The following MGST1 variants were observed in gnomAD, a reference collection of about 807,000 sequenced individuals.
The protein encoded by MGST1 is microsomal glutathione S-transferase 1.
Under a neutral mutation model 8.9 loss-of-function variants are expected in MGST1, and 5 were observed. The ratio of observed to expected loss-of-function variants is 0.56; its 90% CI spans 0.29 to 1.19. The LOEUF is 1.19. Ranked by LOEUF, MGST1 falls within the 50% of genes most tolerant of loss-of-function variation. The pLI is 0.08. For synonymous variants in MGST1, 54 were observed against 67.8 expected, an observed-to-expected ratio of 0.80 and a Z score of 1.00; for missense variants, 182 against 187.4, an observed-to-expected ratio of 0.97 and a Z score of 0.17.
chr12:16,389,613 G>C lies in MGST1; in HGVS notation n.778+6009G>C, dbSNP rs184727902. Among the ~76,000 whole-genome samples the C allele has an allele frequency of 8.5e-5, 13 of 152,314 alleles. No individual in the cohort carries two copies. The highest frequency in any genetic ancestry group is 2.4e-4 in the African/African-American group (10 of 41,564). On this transcript the variant is annotated intron_variant and non_coding_transcript_variant, in intron 1 of 1. Coordinates refer to the MGST1 transcript ENST00000359720. The surrounding 1 kb of genome is among the most constrained non-coding windows in gnomAD (Gnocchi z 4.6). Reference sequence around the variant, plus strand: ...CTTGGTCTGGTAGGTGCAGCAATATGACATGAGTACCTCATAGGAGGGACT... The same window carrying C: ...CTTGGTCTGGTAGGTGCAGCAATATCACATGAGTACCTCATAGGAGGGACT...
chr12:16,465,860 T>C (rs2137129521), intron 4 of MGST1, among the ~76,000 whole-genome samples: 1 of 152,232 alleles, frequency 6.6e-6, no homozygotes, highest in East Asian at 1.9e-4. Flanking sequence ...ATTTAAATGG[T>C]TGGAGATATT....
downstream of MGST1, among the ~76,000 whole-genome samples, chr12:16,443,102 C>T (rs1339970365): frequency 2.0e-5 from 3 of 151,708 alleles, no homozygotes; most frequent in Non-Finnish European, 4.4e-5. Flanking sequence ...CCTTTTATCT[C>T]TATGACATGT....
chr12:16,396,133 G>A (rs955298636), intron 1 of MGST1, among the ~76,000 whole-genome samples: 9 of 151,496 alleles, frequency 5.9e-5, no homozygotes, highest in African/African-American at 9.7e-5. Flanking sequence ...TTTTATTATG[G>A]CCATTCTTGC....
At chr12:16,411,947 A>T (rs1314239979) in intron 1 of MGST1, among the ~76,000 whole-genome samples, 1 of 152,166 alleles carries the variant, frequency 6.6e-6, no homozygotes, top group East Asian at 1.9e-4. Context: ...ATTAATAATA[A>T]TACCAACCTC....
At chr12:16,590,177 G>T (rs1357197193), downstream of MGST1, among the ~76,000 whole-genome samples, 2 of 152,008 alleles carry the variant, frequency 1.3e-5, no homozygotes, top group Non-Finnish European at 2.9e-5. Flanking sequence ...GTTATAAATA[G>T]AAATTAATAT....
chr12:16,560,298 GAAA>G lies in MGST1; in HGVS notation n.483-29227_483-29225del. On this transcript the variant is annotated intron_variant and non_coding_transcript_variant, in intron 4 of 4. Transcript: ENST00000538857. The surrounding 1 kb of genome is among the most constrained non-coding windows in gnomAD (Gnocchi z 5.0). ...GCATGGGATTAAAGTTTACAGAACA[GAAA>G]AACGCTGAGATTGATTGCTTTAAAT... is the stretch of plus-strand genomic sequence containing the variant. 3 of 1,213,080 alleles carry G rather than the reference GAAA, an allele frequency of 2.5e-6. No individual in the cohort carries two copies. The highest frequency in any genetic ancestry group is 3.4e-6 in the Non-Finnish European group (3 of 882,282). The allele number at this position is 1,213,080 out of a possible 1,614,324, so 75.1% of individuals were successfully genotyped here. A position where few individuals can be genotyped will look rare whatever the true frequency, so the allele number is the denominator to read the frequency against.
intron 1 of MGST1, among the ~76,000 whole-genome samples, chr12:16,415,994 A>G (rs559225851): frequency 1.3e-5 from 2 of 152,326 alleles, no homozygotes; most frequent in South Asian, 4.1e-4. Context: ...AGATTTTGCA[A>G]AAAGAGTAAT....
rs1942354139 is a variant in MGST1 at position 16,560,318 on chromosome 12, G to A, written n.483-29210G>A. The A allele has an allele frequency of 7.5e-7, 1 of 1,335,292 alleles. No homozygotes were observed. The highest frequency in any genetic ancestry group is 2.2e-5 in the Admixed American group (1 of 44,930). 82.7% of individuals were successfully genotyped at this position (1,335,292 alleles called of 1,614,324 possible). On this transcript the variant is annotated intron_variant and non_coding_transcript_variant, in intron 4 of 4. Transcript: ENST00000538857. This position sits in a 1 kb window ranked among gnomAD's most constrained non-coding sequence, Gnocchi z 5.0. Reference sequence around the variant, plus strand: ...GAACAGAAAAACGCTGAGATTGATTGCTTTAAATGTATGAATATAATTTCC... The same window carrying A: ...GAACAGAAAAACGCTGAGATTGATTACTTTAAATGTATGAATATAATTTCC...
chr12:16,551,230 C>G (rs2137243831), intron 4 of MGST1: 1 of 1,599,208 alleles, frequency 6.3e-7, no homozygotes, highest in East Asian at 2.2e-5. Flanking sequence ...GATCAGCGAA[C>G]CTGGGGTGCA....
intron 1 of MGST1, among the ~76,000 whole-genome samples, chr12:16,393,340 T>C (rs1426185262): frequency 6.6e-6 from 1 of 152,196 alleles, no homozygotes; most frequent in East Asian, 1.9e-4. Context: ...CTTCCTGCAG[T>C]TTCCTTCCTC....
chr12:16,387,727 C>T (rs547832327), intron 1 of MGST1, among the ~76,000 whole-genome samples: 25 of 152,090 alleles, frequency 1.6e-4, no homozygotes, highest in South Asian at 4.2e-4. Context: ...GGGTTTTCAC[C>T]GTGTTAACCA....
chr12:16,477,160 T>A (rs1174775287), intron 4 of MGST1, among the ~76,000 whole-genome samples: 5 of 152,224 alleles, frequency 3.3e-5, no homozygotes. Flanking sequence ...CACTTTTATA[T>A]GTGGTTTTGC....
Position 16,586,247 on chromosome 12 carries a change from G to A in MGST1, n.483-3281G>A, listed in dbSNP as rs1287134343. On this transcript the variant is annotated intron_variant and non_coding_transcript_variant, in intron 4 of 4. Coordinates refer to the MGST1 transcript ENST00000538857. This position sits in a 1 kb window ranked among gnomAD's most constrained non-coding sequence, Gnocchi z 4.3. Reference sequence around the variant, plus strand: ...CTTAAAACATAAGAATGGAAAAGCAGCATTTGAAGTTGTAATCTCTGGCAA... The same window carrying A: ...CTTAAAACATAAGAATGGAAAAGCAACATTTGAAGTTGTAATCTCTGGCAA... Among the ~76,000 whole-genome samples, 2 of 152,164 alleles carry A rather than the reference G, an allele frequency of 1.3e-5. No homozygotes were observed. Among genetic ancestry groups the A allele is most frequent in the East Asian group, 3.9e-4 (2 of 5,194 alleles).
Position 16,587,579 on chromosome 12 carries a change from G to A in MGST1, n.483-1949G>A, listed in dbSNP as rs566527400. ...GCCTACATGGTTGACTACCCTTGGTGTTAAATTTTCTTAAATTGTATTTCT... is the reference window on the plus strand; with the variant it reads ...GCCTACATGGTTGACTACCCTTGGTATTAAATTTTCTTAAATTGTATTTCT... On this transcript the variant is annotated intron_variant and non_coding_transcript_variant, in intron 4 of 4. Transcript: ENST00000538857. This position sits in a 1 kb window ranked among gnomAD's most constrained non-coding sequence, Gnocchi z 4.3. 6.6e-6 allele frequency among the ~76,000 whole-genome samples: 1 copy of A among 152,040 alleles called. No individual in the cohort carries two copies. Among genetic ancestry groups the A allele is most frequent in the Non-Finnish European group, 1.5e-5 (1 of 67,996 alleles).
At chr12:16,484,749 A>G (rs1420490749) in intron 4 of MGST1, among the ~76,000 whole-genome samples, 1 of 152,182 alleles carries the variant, frequency 6.6e-6, no homozygotes, top group Non-Finnish European at 1.5e-5. Flanking sequence ...CGCATGATTC[A>G]ATCACCTCCC....
At chr12:16,357,356 C>G (rs1018805194) in intron 2 of MGST1, among the ~76,000 whole-genome samples, 3 of 152,074 alleles carry the variant, frequency 2.0e-5, no homozygotes, top group Non-Finnish European at 4.4e-5. Context: ...ACCTCTCGGG[C>G]TCAGGTGATC....
intron 4 of MGST1, among the ~76,000 whole-genome samples, chr12:16,459,043 A>G (rs1029635135): frequency 1.3e-5 from 2 of 152,092 alleles, no homozygotes; most frequent in Non-Finnish European, 2.9e-5. Flanking sequence ...AATGCTTTAA[A>G]CGACAAAAGT....
At chr12:16,565,983 CATATATATATATATATATATATATATAT>C (rs61358392) in intron 4 of MGST1, among the ~76,000 whole-genome samples, 598 of 43,852 alleles carry the variant, frequency 0.014, 48 homozygotes, top group South Asian at 0.064. Flanking sequence ...GAAAATGTGC[CATATATATATATATATATATATATATAT>C]ATATATATAT....
chr12:16,478,504 T>C (rs577686793), intron 4 of MGST1, among the ~76,000 whole-genome samples: 14 of 152,298 alleles, frequency 9.2e-5, no homozygotes, highest in African/African-American at 3.4e-4. Flanking sequence ...TCCAAACCTA[T>C]GTGATTCTTT....
Sources: gnomAD v4.1 joint callset for allele counts (sites outside exome capture counted in the v4.1 genomes callset) on GRCh38, gnomAD v4.1.1 for gene constraint, Gnocchi (gnomAD v3.1) non-coding constraint, MANE v1.5 for transcripts, NCBI Gene and HGNC (gene_info 2026-07-23, HGNC 2026-07-21) for gene names.